The following PRKD2 variants were observed in gnomAD, a reference collection of about 807,000 sequenced individuals.
PRKD2 encodes protein kinase D2.
PRKD2 carries 22 observed loss-of-function variants against 86.0 expected under a neutral mutation model. The observed-to-expected ratio is 0.26, with a 90% CI of 0.18 to 0.37. The LOEUF is 0.37. Ranked by LOEUF, PRKD2 falls within the 10% of genes least tolerant of loss-of-function variation. The pLI is 1.00. For synonymous variants in PRKD2, 509 were observed against 510.9 expected (o/e 1.00, Z 0.05); for missense variants, 818 against 1,199.2 (o/e 0.68, Z 4.70).
At chr19:46,710,813 T>C in intron 3 of PRKD2, 94 bp downstream of exon 3, 2 of 1,329,650 alleles carry the variant, frequency 1.5e-6, no homozygotes, top group Non-Finnish European at 1.0e-6. Context: ...GACCCGCTCC[T>C]CCTCCCCACG....
rs1237410416 is a variant in PRKD2 at position 46,678,284 on chromosome 19, A to G, written c.2338+112T>C. On this transcript the variant is annotated intron_variant, in intron 16 of 17. Coordinates refer to ENST00000291281, the MANE Select transcript of PRKD2 (RefSeq NM_016457.5). This position sits in a 1 kb window ranked among gnomAD's most constrained non-coding sequence, Gnocchi z 5.7. ...TAGGCCCGCCCCAGCACTGGGCTCC[A>G]CCCCCAAGGTGCCAGGCTGTTTCCG... 7.0e-5 allele frequency: 103 copies of G among 1,471,844 alleles called. No homozygotes were observed. Among genetic ancestry groups the G allele is most frequent in the Middle Eastern group, 2.4e-4 (1 of 4,136 alleles). The allele number at this position is 1,471,844 out of a possible 1,614,324, so 91.2% of individuals were successfully genotyped here. A position where few individuals can be genotyped will look rare whatever the true frequency, so the allele number is the denominator to read the frequency against.
intron 16 of PRKD2, among the ~76,000 whole-genome samples, chr19:46,676,533 T>G (rs1002551832): frequency 3.3e-5 from 5 of 152,222 alleles, no homozygotes; most frequent in African/African-American, 1.2e-4. Context: ...GACTAGCGAA[T>G]GTCAAGCTTC....
chr19:46,682,799 G>A (rs1295403505), intron 14 of PRKD2, among the ~76,000 whole-genome samples: 1 of 148,878 alleles, frequency 6.7e-6, no homozygotes, highest in Admixed American at 6.8e-5. Flanking sequence ...CGACCTCCCA[G>A]GCTAAATCCA....
At position 46,687,931 on chromosome 19, in the gene PRKD2, C is replaced by G. The variant is rs1462676781; in HGVS notation, c.1971+1606G>C. ...TCACCCAGGCTGGAGTGCAGTGGCACGGTCATAGCTCACTGCAGCCTCAAC... is the reference window on the plus strand; with the variant it reads ...TCACCCAGGCTGGAGTGCAGTGGCAGGGTCATAGCTCACTGCAGCCTCAAC... On this transcript the variant is annotated intron_variant, in intron 14 of 17. Transcript: ENST00000291281. 5.9e-5 allele frequency among the ~76,000 whole-genome samples: 9 copies of G among 152,250 alleles called. No homozygotes were observed. In the South Asian group the frequency reaches 1.2e-3, roughly 21 times the overall value.
intron 14 of PRKD2, among the ~76,000 whole-genome samples, chr19:46,688,238 A>T (rs1438997637): frequency 6.6e-6 from 1 of 151,894 alleles, no homozygotes; most frequent in Non-Finnish European, 1.5e-5. Context: ...CCTGGGCTTA[A>T]GCAATCCTCT....
chr19:46,707,561 T>C (rs1223939173), intron 3 of PRKD2, among the ~76,000 whole-genome samples: 1 of 151,436 alleles, frequency 6.6e-6, no homozygotes, highest in African/African-American at 2.4e-5. Context: ...CTGCACTCCA[T>C]CCTGGGTGAC....
At chr19:46,710,627 C>T (rs2053791482) in intron 3 of PRKD2, 3 of 401,918 alleles carry the variant, frequency 7.5e-6, no homozygotes, top group South Asian at 6.2e-5. Context: ...CCCCGCCACC[C>T]TTCTGCTCCC....
intron 15 of PRKD2, among the ~76,000 whole-genome samples, chr19:46,680,251 G>T (rs1174885055): frequency 6.6e-6 from 1 of 152,054 alleles, no homozygotes; most frequent in East Asian, 1.9e-4. Context: ...TCTTTTCCAA[G>T]ATCTATACTT....
At position 46,675,248 on chromosome 19, in the gene PRKD2, T is replaced by A. The variant is rs1246783682; in HGVS notation, c.2339-130A>T. ...CACCAGCTCAGGTGGCTCAGAAGCCTCACCTGTGCCAATCACTCACCCACC... is the reference window on the plus strand; with the variant it reads ...CACCAGCTCAGGTGGCTCAGAAGCCACACCTGTGCCAATCACTCACCCACC... On this transcript the variant is annotated intron_variant, in intron 16 of 17. Transcript: ENST00000291281. 7 of 721,906 alleles carry A rather than the reference T, an allele frequency of 9.7e-6. No homozygotes were observed. The African/African-American group carries it at 1.1e-4, about 11-fold the overall frequency. 44.7% of individuals were successfully genotyped at this position (721,906 alleles called of 1,614,324 possible).
Position 46,674,612 on chromosome 19 carries a change from C to G in PRKD2, c.2548G>C (p.Gly850Arg). The change falls in exon 18 of 18, where the codon GGG (glycine) becomes CGG (arginine). Residue 850 changes from glycine (G) to arginine (R), a missense_variant. By Grantham distance (125) the Gly-to-Arg change is moderately radical (BLOSUM62 -2). Coordinates refer to ENST00000291281, the MANE Select transcript of PRKD2 (RefSeq NM_016457.5). ...CCGAGATCCCTGTCCGTGGGCAGCC[C>G]AGACCCAGGCAGCGGATGCTCTGCT... is the stretch of plus-strand genomic sequence containing the variant. ...FAAEHPLPGSGLPTDRDLGGA... is the reference protein window; with the variant it reads ...FAAEHPLPGSRLPTDRDLGGA... 1 of 1,609,778 alleles carries G rather than the reference C, an allele frequency of 6.2e-7. No individual in the cohort carries two copies. Among genetic ancestry groups the G allele is most frequent in the Non-Finnish European group, 8.5e-7 (1 of 1,179,952 alleles).
chr19:46,688,300 A>C (rs1372292611), intron 14 of PRKD2, among the ~76,000 whole-genome samples: 1 of 150,822 alleles, frequency 6.6e-6, no homozygotes, highest in Non-Finnish European at 1.5e-5. Flanking sequence ...ACCATGCCTG[A>C]CTCCCCTTTT....
chr19:46,710,694 G>A, intron 3 of PRKD2: 1 of 482,674 alleles, frequency 2.1e-6, no homozygotes, highest in Non-Finnish European at 3.5e-6. Flanking sequence ...CCTAGGCTCC[G>A]CCCCTAGACC....
At position 46,703,508 on chromosome 19, in the gene PRKD2, A is replaced by T. The variant is rs143243249; in HGVS notation, c.889+661T>A. 3.5e-4 allele frequency among the ~76,000 whole-genome samples: 54 copies of T among 152,178 alleles called. No individual in the cohort carries two copies. In the East Asian group the frequency reaches 9.7e-3, roughly 27 times the overall value. On this transcript the variant is annotated intron_variant, in intron 5 of 17. Coordinates refer to ENST00000291281, the MANE Select transcript of PRKD2 (RefSeq NM_016457.5). ...TGGGTGTGGCCAGGCGCGGTGGCTC[A>T]CGCCTGTAATCCCGGCATTTTGGGA...
intron 14 of PRKD2, among the ~76,000 whole-genome samples, chr19:46,687,407 A>AACCAC (rs2053416885): frequency 1.2e-5 from 1 of 81,420 alleles, no homozygotes; most frequent in African/African-American, 4.8e-5. Context: ...AACAAACAAA[A>AACCAC]AGCACAGGCA....
At chr19:46,680,946 A>ATATATATATATATTTTTTTTT in intron 15 of PRKD2, among the ~76,000 whole-genome samples, 2 of 48,258 alleles carry the variant, frequency 4.1e-5, no homozygotes, top group Non-Finnish European at 8.1e-5. Context: ...ATATATATAT[A>ATATATATATATATTTTTTTTT]TTTTTTTTTT....
Position 46,704,525 on chromosome 19 carries a change from G to A in PRKD2, c.636C>T (p.Ser212=), listed in dbSNP as rs368413652. ...ASGHSVRLGT[S]ESLPCTAEEL... ...CTTCAGCCGTGCAGGGCAGGGACTC[G>A]GAGGTGCCGAGGCGCACCGAGTGGC... The change falls in exon 4 of 18, where the codon TCC becomes TCT. Residue 212 remains serine (S), a synonymous_variant. Transcript: ENST00000291281. 13 of 1,614,026 alleles carry A rather than the reference G, an allele frequency of 8.1e-6. No individual in the cohort carries two copies. In the South Asian group the frequency reaches 9.9e-5, roughly 12 times the overall value.
At chr19:46,697,279 G>C in intron 8 of PRKD2, 45 bp from the exon 9 acceptor site, 1 of 1,435,598 alleles carries the variant, frequency 7.0e-7, no homozygotes, top group South Asian at 1.2e-5. Flanking sequence ...AGACTTTCCT[G>C]CCCAGTCCCT....
At chr19:46,689,499 T>TGGGGAGGGGCGGGTGGCAGC in intron 14 of PRKD2, 38 bp downstream of exon 14, 3 of 1,563,412 alleles carry the variant, frequency 1.9e-6, no homozygotes, top group Non-Finnish European at 2.6e-6. Flanking sequence ...TGACACCTGA[T>TGGGGAGGGGCGGGTGGCAGC]GGGGAGGGGC....
chr19:46,690,796 C>G (rs76735216), intron 12 of PRKD2, 90 bp from the exon 13 acceptor site: 40 of 1,202,918 alleles, frequency 3.3e-5, no homozygotes, highest in Non-Finnish European at 4.6e-5. Context: ...CCTCTGCCCC[C>G]CACCATGGAG....
Sources: gnomAD v4.1 joint callset for allele counts (sites outside exome capture counted in the v4.1 genomes callset) on GRCh38, gnomAD v4.1.1 for gene constraint, Gnocchi (gnomAD v3.1) non-coding constraint, MANE v1.5 for transcripts, NCBI Gene and HGNC (gene_info 2026-07-23, HGNC 2026-07-21) for gene names.